The following TMTC1 variants were observed in gnomAD, a reference collection of about 807,000 sequenced individuals.
The protein encoded by TMTC1 is protein O-mannosyl-transferase TMTC1.
A neutral mutation model predicts 104.8 loss-of-function variants in TMTC1; 73 were observed. The observed-to-expected ratio is 0.70, with a 90% CI of 0.58 to 0.85. The LOEUF (loss-of-function observed/expected upper bound fraction) is 0.85, where lower values mean the gene tolerates loss of function less well. Among genes scored for constraint, TMTC1 ranks in the 40% least tolerant of loss-of-function variants. The pLI is 0.00. For synonymous variants in TMTC1, 434 were observed against 428.7 expected, an observed-to-expected ratio of 1.01 and a Z score of -0.15; for missense variants, 1,035 against 1,096.1, an observed-to-expected ratio of 0.94 and a Z score of 0.79.
At chr12:29,558,878 CT>C (rs1452510015) in intron 9 of TMTC1, among the ~76,000 whole-genome samples, 1 of 152,214 alleles carries the variant, frequency 6.6e-6, no homozygotes, top group East Asian at 1.9e-4. Context: ...GTACCTGTCC[CT>C]TCACTCCATG....
chr12:29,578,691 T>C (rs7972293), intron 8 of TMTC1, among the ~76,000 whole-genome samples: 1 of 152,178 alleles, frequency 6.6e-6, no homozygotes, highest in African/African-American at 2.4e-5. Flanking sequence ...CAGGTGTATC[T>C]CCAAGGTTTT....
At chr12:29,645,789 T>C (rs1017036383) in intron 5 of TMTC1, among the ~76,000 whole-genome samples, 2 of 152,216 alleles carry the variant, frequency 1.3e-5, no homozygotes, top group African/African-American at 2.4e-5. Flanking sequence ...TCCAGGTCTC[T>C]ATACAAGAAT....
intron 5 of TMTC1, among the ~76,000 whole-genome samples, chr12:29,723,297 CAA>C (rs1449098014): frequency 6.6e-6 from 1 of 152,108 alleles, no homozygotes; most frequent in East Asian, 1.9e-4. Context: ...AATAAAACAG[CAA>C]AGTTTCATAA....
At chr12:29,681,994 T>A (rs1010981633) in intron 5 of TMTC1, among the ~76,000 whole-genome samples, 2 of 152,168 alleles carry the variant, frequency 1.3e-5, no homozygotes, top group African/African-American at 4.8e-5. Context: ...CAGTGTTTTT[T>A]AAGGATACTT....
chr12:29,516,008 GGTT>G (rs1943975716), intron 15 of TMTC1, among the ~76,000 whole-genome samples: 1 of 149,648 alleles, frequency 6.7e-6, no homozygotes, highest in Non-Finnish European at 1.5e-5. Flanking sequence ...TGTAAAGCAT[GGTT>G]GTTATGAGGA....
At chr12:29,607,764 C>T (rs1429122865) in intron 6 of TMTC1, among the ~76,000 whole-genome samples, 2 of 152,092 alleles carry the variant, frequency 1.3e-5, no homozygotes, top group South Asian at 2.1e-4. Context: ...TCCCTTCCAT[C>T]CTCAAGGTGC....
intron 5 of TMTC1, among the ~76,000 whole-genome samples, chr12:29,696,418 C>T (rs1941425560): frequency 6.6e-6 from 1 of 152,186 alleles, no homozygotes; most frequent in East Asian, 1.9e-4. Flanking sequence ...AAACAGTCAA[C>T]TCCAGCTACC....
intron 8 of TMTC1, among the ~76,000 whole-genome samples, chr12:29,581,841 C>T (rs1421607037): frequency 6.6e-6 from 1 of 152,048 alleles, no homozygotes. Context: ...CTGTGTTTAC[C>T]GAATGACCTT....
chr12:29,539,864 C>T (rs1035646300), intron 10 of TMTC1, among the ~76,000 whole-genome samples: 4 of 152,198 alleles, frequency 2.6e-5, no homozygotes, highest in African/African-American at 7.2e-5. Context: ...AAACAAGGGA[C>T]TAGCCCTAGG....
At chr12:29,641,159 C>T (rs1938830509) in intron 5 of TMTC1, 2 of 152,304 alleles carry the variant, frequency 1.3e-5, no homozygotes, top group Admixed American at 6.5e-5. Context: ...CCTACCCATC[C>T]TGGTAGCAAA....
At chr12:29,536,956 T>C (rs1944663209) in intron 10 of TMTC1, among the ~76,000 whole-genome samples, 1 of 152,202 alleles carries the variant, frequency 6.6e-6, no homozygotes, top group African/African-American at 2.4e-5. Flanking sequence ...CCCCCAGTGA[T>C]GACACTTCCT....
At chr12:29,666,190 C>T (rs1345031696) in intron 5 of TMTC1, 1 of 432,030 alleles carries the variant, frequency 2.3e-6, no homozygotes, top group Non-Finnish European at 4.5e-6. Flanking sequence ...AAATTGTAAA[C>T]ATCTACCCCT....
At chr12:29,646,860 A>G (rs1025331443) in intron 5 of TMTC1, among the ~76,000 whole-genome samples, 1 of 152,190 alleles carries the variant, frequency 6.6e-6, no homozygotes, top group African/African-American at 2.4e-5. Flanking sequence ...GCTGTTTGAT[A>G]CAAAGATTCT....
chr12:29,649,674 G>C (rs550037793), intron 5 of TMTC1, among the ~76,000 whole-genome samples: 7 of 152,356 alleles, frequency 4.6e-5, no homozygotes, highest in Admixed American at 3.3e-4. Flanking sequence ...ACATTTTGCT[G>C]TTTTTATAAA....
chr12:29,716,237 G>T (rs1942078038), intron 5 of TMTC1, among the ~76,000 whole-genome samples: 1 of 151,950 alleles, frequency 6.6e-6, no homozygotes, highest in Non-Finnish European at 1.5e-5. Flanking sequence ...TCCCAGGCTG[G>T]TCTTGAACTG....
intron 10 of TMTC1, among the ~76,000 whole-genome samples, chr12:29,546,757 G>C (rs1944952924): frequency 6.6e-6 from 1 of 151,994 alleles, no homozygotes; most frequent in African/African-American, 2.4e-5. Context: ...AATTGAATCA[G>C]ACTAGTCCCA....
intron 5 of TMTC1, among the ~76,000 whole-genome samples, chr12:29,696,678 TGG>T (rs1281930818): frequency 1.3e-5 from 2 of 152,208 alleles, no homozygotes; most frequent in Non-Finnish European, 2.9e-5. Context: ...GGAATTAATA[TGG>T]TTATGTTTTC....
intron 8 of TMTC1, among the ~76,000 whole-genome samples, chr12:29,573,351 G>A (rs159683): frequency 0.98 from 148,875 of 152,316 alleles, 72,787 homozygotes; most frequent in East Asian, 1. Flanking sequence ...AAGTGAGATC[G>A]TTTGATGAAA....
At chr12:29,656,432 G>A (rs1289189869) in intron 5 of TMTC1, among the ~76,000 whole-genome samples, 2 of 147,404 alleles carry the variant, frequency 1.4e-5, no homozygotes, top group Non-Finnish European at 3.0e-5. Flanking sequence ...TCGGCTCACT[G>A]CAACCTCTGC....
Sources: gnomAD v4.1 joint callset for allele counts (sites outside exome capture counted in the v4.1 genomes callset) on GRCh38, gnomAD v4.1.1 for gene constraint, MANE v1.5 for transcripts, NCBI Gene and HGNC (gene_info 2026-07-23, HGNC 2026-07-21) for gene names.